The following KIAA0825 variants were observed in gnomAD, a reference collection of about 807,000 sequenced individuals.
KIAA0825 encodes uncharacterized protein KIAA0825.
Under a neutral mutation model 147.6 loss-of-function variants are expected in KIAA0825, and 119 were observed. That is an observed-to-expected ratio of 0.81 (90% confidence interval 0.69 to 0.94). KIAA0825 has a LOEUF of 0.94. Among genes scored for constraint, KIAA0825 ranks in the 40% least tolerant of loss-of-function variants. KIAA0825 has a pLI of 0.00. For synonymous variants in KIAA0825, 470 were observed against 518.1 expected (o/e 0.91, Z 1.26); for missense variants, 1,381 against 1,472.7 (o/e 0.94, Z 1.02).
intron 2 of KIAA0825, among the ~76,000 whole-genome samples, chr5:94,553,193 C>T (rs2152265137): frequency 6.6e-6 from 1 of 151,904 alleles, no homozygotes; most frequent in Non-Finnish European, 1.5e-5. Context: ...AATCCCAGTA[C>T]TTTGGGAGGC....
chr5:94,403,376 A>G (rs925821902), intron 16 of KIAA0825, among the ~76,000 whole-genome samples, 193 bp downstream of exon 16: 8 of 152,202 alleles, frequency 5.3e-5, no homozygotes, highest in African/African-American at 1.9e-4. Flanking sequence ...GACCATTTGA[A>G]TAATTTTCCA....
rs150370524 is a variant in KIAA0825 at position 94,402,653 on chromosome 5, G to A, written c.2887+916C>T. 4.0e-3 allele frequency among the ~76,000 whole-genome samples: 611 copies of A among 151,722 alleles called. 6 individuals carry two copies. Among genetic ancestry groups the A allele is most frequent in the Middle Eastern group, 0.02 (6 of 294 alleles). ...ATTGACTTTAGTGAGTGCGGCTGGA[G>A]TATTTTATTGTTGAAAGTTTCCTTA... On this transcript the variant is annotated intron_variant, in intron 16 of 20. Transcript: ENST00000682413.
chr5:94,252,696 C>T (rs1196038005), intron 20 of KIAA0825, among the ~76,000 whole-genome samples: 1 of 151,924 alleles, frequency 6.6e-6, no homozygotes, highest in Admixed American at 6.6e-5. Context: ...TTACAGGGAA[C>T]CTCATTTTAT....
At chr5:94,588,660 C>G (rs1783775652) in intron 1 of KIAA0825, among the ~76,000 whole-genome samples, 1 of 152,102 alleles carries the variant, frequency 6.6e-6, no homozygotes, top group African/African-American at 2.4e-5. Flanking sequence ...ACTAGAAATA[C>G]CATTTTACCC....
At chr5:94,167,855 G>A (rs942299842) in intron 20 of KIAA0825, among the ~76,000 whole-genome samples, 1 of 151,478 alleles carries the variant, frequency 6.6e-6, no homozygotes, top group Non-Finnish European at 1.5e-5. Context: ...ACAAAACATA[G>A]GCTTTTCTTG....
intron 5 of KIAA0825, among the ~76,000 whole-genome samples, chr5:94,490,129 G>C (rs768501553): frequency 2.6e-5 from 4 of 152,076 alleles, no homozygotes; most frequent in Non-Finnish European, 5.9e-5. Flanking sequence ...AAGTTCCTTA[G>C]ACACAGTCAA....
At chr5:94,464,425 T>C (rs1481032957) in intron 11 of KIAA0825, among the ~76,000 whole-genome samples, 1 of 152,180 alleles carries the variant, frequency 6.6e-6, no homozygotes, top group Non-Finnish European at 1.5e-5. Context: ...TTAGGTTTTC[T>C]TAATGAAGAT....
chr5:94,563,093 G>A (rs1217742120), intron 2 of KIAA0825, among the ~76,000 whole-genome samples: 1 of 151,970 alleles, frequency 6.6e-6, no homozygotes, highest in Non-Finnish European at 1.5e-5. Flanking sequence ...TGTAATCCCA[G>A]CACTTTGGGA....
chr5:94,352,098 G>A (rs1783735070), intron 20 of KIAA0825, among the ~76,000 whole-genome samples: 1 of 152,164 alleles, frequency 6.6e-6, no homozygotes, highest in South Asian at 2.1e-4. Context: ...AAACTAAAGA[G>A]CTTTTGCATG....
At chr5:94,606,277 C>T (rs767253410) in intron 1 of KIAA0825, among the ~76,000 whole-genome samples, 2 of 152,178 alleles carry the variant, frequency 1.3e-5, no homozygotes, top group Non-Finnish European at 2.9e-5. Flanking sequence ...AATGGAAAAA[C>T]ATCCCATGCT....
intron 20 of KIAA0825, among the ~76,000 whole-genome samples, chr5:94,231,861 G>A (rs575073464): frequency 6.6e-6 from 1 of 152,224 alleles, no homozygotes; most frequent in South Asian, 2.1e-4. Flanking sequence ...TAGAACATCA[G>A]CTTTCTGATG....
chr5:94,277,174 C>T (rs924994582), intron 20 of KIAA0825, among the ~76,000 whole-genome samples: 3 of 152,018 alleles, frequency 2.0e-5, no homozygotes, highest in East Asian at 1.9e-4. Context: ...ACAACCCAGG[C>T]GAGCAATACC....
chr5:94,278,068 C>T (rs745364111), intron 20 of KIAA0825, among the ~76,000 whole-genome samples: 3 of 152,010 alleles, frequency 2.0e-5, no homozygotes, highest in Non-Finnish European at 2.9e-5. Context: ...ACAGTGAGAA[C>T]ACATGGACAC....
chr5:94,521,040 AT>A, intron 4 of KIAA0825, 123 bp from the exon 5 acceptor site: 1 of 856,652 alleles, frequency 1.2e-6, no homozygotes, highest in Non-Finnish European at 1.7e-6. Context: ...TTAAGATTTT[AT>A]TTTTTTGCAT....
intron 3 of KIAA0825, among the ~76,000 whole-genome samples, chr5:94,530,726 T>C (rs1770623404): frequency 6.6e-6 from 1 of 152,180 alleles, no homozygotes; most frequent in Non-Finnish European, 1.5e-5. Context: ...ACAGCAGTCA[T>C]ATCTGTTACC....
intron 20 of KIAA0825, among the ~76,000 whole-genome samples, chr5:94,168,869 T>C (rs138800395): frequency 9.5e-4 from 144 of 152,362 alleles, no homozygotes; most frequent in African/African-American, 3.4e-3. Flanking sequence ...TCATGGACTA[T>C]GCTCTATAGA....
chr5:94,301,031 T>C (rs1237869915), intron 20 of KIAA0825, among the ~76,000 whole-genome samples: 2 of 152,150 alleles, frequency 1.3e-5, no homozygotes, highest in Non-Finnish European at 2.9e-5. Context: ...GAAACACTGA[T>C]TGGCTGGCCC....
At chr5:94,441,442 C>A (rs1235671333) in intron 13 of KIAA0825, among the ~76,000 whole-genome samples, 1 of 152,120 alleles carries the variant, frequency 6.6e-6, no homozygotes, top group Non-Finnish European at 1.5e-5. Context: ...CACAGGTCCA[C>A]CTTGGCTGCA....
intron 20 of KIAA0825, among the ~76,000 whole-genome samples, chr5:94,181,895 T>A (rs1769650055): frequency 6.6e-6 from 1 of 152,160 alleles, no homozygotes; most frequent in South Asian, 2.1e-4. Context: ...TAGGTTTAAC[T>A]TAGCTTCTCT....
Sources: gnomAD v4.1 joint callset for allele counts (sites outside exome capture counted in the v4.1 genomes callset) on GRCh38, gnomAD v4.1.1 for gene constraint, MANE v1.5 for transcripts, NCBI Gene and HGNC (gene_info 2026-07-23, HGNC 2026-07-21) for gene names.